The following RALGAPA2 variants were observed in gnomAD, a reference collection of about 807,000 sequenced individuals.
The protein encoded by RALGAPA2 is Ral GTPase activating protein catalytic subunit alpha 2.
Under a neutral mutation model 230.4 loss-of-function variants are expected in RALGAPA2, and 139 were observed. The observed-to-expected ratio is 0.60, with a 90% CI of 0.53 to 0.69. RALGAPA2 has a LOEUF of 0.69. Among genes scored for constraint, RALGAPA2 ranks in the 30% least tolerant of loss-of-function variants. The pLI, the probability that RALGAPA2 is intolerant of heterozygous loss-of-function variation, is 0.00. For missense variants in RALGAPA2, 2,163 were observed against 2,276.0 expected, an observed-to-expected ratio of 0.95 and a Z score of 1.01; for synonymous variants, 847 against 837.8, an observed-to-expected ratio of 1.01 and a Z score of -0.19.
At chr20:20,578,942 T>C (rs2064901687) in intron 20 of RALGAPA2, among the ~76,000 whole-genome samples, 1 of 152,208 alleles carries the variant, frequency 6.6e-6, no homozygotes, top group Admixed American at 6.6e-5. Context: ...CCAGTAGCTA[T>C]CATTATTATT....
At chr20:20,440,571 A>T (rs1290358821) in intron 37 of RALGAPA2, among the ~76,000 whole-genome samples, 1 of 152,198 alleles carries the variant, frequency 6.6e-6, no homozygotes, top group Non-Finnish European at 1.5e-5. Context: ...TGCTCTGAAT[A>T]GAAGCACTTT....
At chr20:20,494,657 T>C (rs1454425652) in intron 36 of RALGAPA2, among the ~76,000 whole-genome samples, 1 of 152,210 alleles carries the variant, frequency 6.6e-6, no homozygotes, top group Non-Finnish European at 1.5e-5. Flanking sequence ...CCTGCAATTC[T>C]GCAGGATTGA....
chr20:20,403,626 G>A (rs948526424), intron 38 of RALGAPA2, among the ~76,000 whole-genome samples: 25 of 152,306 alleles, frequency 1.6e-4, no homozygotes, highest in African/African-American at 5.8e-4. Context: ...CCAGCCTCAC[G>A]AAGCTGCATG....
chr20:20,657,832 T>A (rs1469372394), intron 3 of RALGAPA2, among the ~76,000 whole-genome samples: 1 of 152,256 alleles, frequency 6.6e-6, no homozygotes, highest in Non-Finnish European at 1.5e-5. Context: ...AGATTCAGAA[T>A]AGATCTTAGA....
chr20:20,653,489 G>T, intron 4 of RALGAPA2, 41 bp downstream of exon 4: 2 of 1,090,008 alleles, frequency 1.8e-6, no homozygotes, highest in Non-Finnish European at 2.7e-6. Flanking sequence ...AATTCAACTG[G>T]AAGAAATTCA....
At chr20:20,540,780 A>C (rs2063621800) in intron 24 of RALGAPA2, among the ~76,000 whole-genome samples, 1 of 151,918 alleles carries the variant, frequency 6.6e-6, no homozygotes, top group African/African-American at 2.4e-5. Context: ...ATAATTAATA[A>C]AAATTTATAT....
intron 13 of RALGAPA2, among the ~76,000 whole-genome samples, chr20:20,613,562 T>C (rs530948070): frequency 1.3e-5 from 2 of 152,320 alleles, no homozygotes; most frequent in African/African-American, 4.8e-5. Flanking sequence ...GCTGGTGTCC[T>C]TCCTTTGGTC....
rs79526906 is a variant in RALGAPA2, at chr20:20,432,115, C to T, written c.5496-19967G>A. ...GTAAGGACTGTGAAATAGGAACCAC[C>T]GTTGTTCCAAGGCTGGTGATCGTCT... On this transcript the variant is annotated intron_variant, in intron 37 of 39. Coordinates refer to ENST00000202677, the MANE Select transcript of RALGAPA2 (RefSeq NM_020343.4). Among the ~76,000 whole-genome samples, 815 of 152,272 alleles carry T rather than the reference C, an allele frequency of 5.4e-3. 5 individuals carry two copies. The highest frequency in any genetic ancestry group is 0.018 in the African/African-American group (743 of 41,534).
At chr20:20,655,212 T>G (rs187717205) in intron 3 of RALGAPA2, among the ~76,000 whole-genome samples, 1 of 152,110 alleles carries the variant, frequency 6.6e-6, no homozygotes, top group Admixed American at 6.5e-5. Context: ...GACAACAGAC[T>G]TCACTCTTGA....
chr20:20,643,546 G>A lies in RALGAPA2; in HGVS notation c.332C>T (p.Ser111Leu). ...FFRWHYQSIG[S>L]TLKKLLHTGN... Reference sequence around the variant, plus strand: ...AGTGTGTAGAAGCTTCTTTAAAGTTGAGCCTGAAAGTTTAAAATAATGAAT... The same window carrying A: ...AGTGTGTAGAAGCTTCTTTAAAGTTAAGCCTGAAAGTTTAAAATAATGAAT... The change falls in exon 5 of 40, where the codon TCA becomes TTA. Residue 111 changes from serine to leucine, a missense_variant. Ser to Leu is a moderately radical substitution (Grantham distance 145). Transcript: ENST00000202677. 1 of 1,468,544 alleles carries A rather than the reference G, an allele frequency of 6.8e-7. No homozygotes were observed. Among genetic ancestry groups the A allele is most frequent in the Non-Finnish European group, 9.2e-7 (1 of 1,087,272 alleles). 91.0% of individuals were successfully genotyped at this position (1,468,544 alleles called of 1,614,324 possible).
chr20:20,428,707 G>T (rs980630620), intron 37 of RALGAPA2, among the ~76,000 whole-genome samples: 2 of 84,774 alleles, frequency 2.4e-5, no homozygotes, highest in African/African-American at 5.0e-5. Flanking sequence ...CCATTATTGT[G>T]CCTGCCACCC....
intron 36 of RALGAPA2, 86 bp downstream of exon 36, chr20:20,495,031 A>T: frequency 7.8e-7 from 1 of 1,276,726 alleles, no homozygotes. Context: ...GTCCCCTTTA[A>T]CATATTTGTA....
intron 37 of RALGAPA2, among the ~76,000 whole-genome samples, 151 bp from the exon 38 acceptor site, chr20:20,412,299 CATA>C (rs938359308): frequency 6.6e-6 from 1 of 152,160 alleles, no homozygotes; most frequent in Non-Finnish European, 1.5e-5. Context: ...AAGTATTAGT[CATA>C]ATTCATACCC....
intron 10 of RALGAPA2, among the ~76,000 whole-genome samples, chr20:20,620,994 A>G (rs1028387660): frequency 2.6e-5 from 4 of 152,066 alleles, no homozygotes. Context: ...TACAAAAATT[A>G]GCTGTGCGTG....
At position 20,601,726 on chromosome 20, in the gene RALGAPA2, G is replaced by A. The variant is rs376711920; in HGVS notation, c.2159C>T (p.Pro720Leu). ...AATATTTCTTGCCTTTTCCACTCCC[G>A]GTGCTCCAGACGTGGTGGCACTCCT... ...RFRSATTSGA[P>L]GVEKARNIVR... The change falls in exon 16 of 40, where the codon CCG becomes CTG. Residue 720 changes from proline to leucine, a missense_variant. By Grantham distance (98) the Pro-to-Leu change is moderately conservative. Transcript: ENST00000202677. 1.2e-4 allele frequency: 190 copies of A among 1,612,962 alleles called. No homozygotes were observed. The highest frequency in any genetic ancestry group is 1.5e-4 in the Non-Finnish European group (182 of 1,179,422).
chr20:20,482,971 C>A (rs988399712), intron 36 of RALGAPA2, among the ~76,000 whole-genome samples: 1 of 152,216 alleles, frequency 6.6e-6, no homozygotes, highest in Non-Finnish European at 1.5e-5. Context: ...CACATCATGT[C>A]CTGGTCATCC....
chr20:20,604,670 A>G (rs2065763342), intron 15 of RALGAPA2, among the ~76,000 whole-genome samples: 1 of 151,282 alleles, frequency 6.6e-6, no homozygotes, highest in African/African-American at 2.4e-5. Context: ...AAACATTATG[A>G]GATTTTTTTT....
chr20:20,522,999 C>T (rs1269687455), intron 30 of RALGAPA2, among the ~76,000 whole-genome samples: 1 of 151,558 alleles, frequency 6.6e-6, no homozygotes, highest in Non-Finnish European at 1.5e-5. Context: ...TAAGAATACA[C>T]AAATACTTTT....
chr20:20,649,927 A>G (rs1297806762), intron 4 of RALGAPA2, among the ~76,000 whole-genome samples: 2 of 152,170 alleles, frequency 1.3e-5, no homozygotes, highest in African/African-American at 2.4e-5. Flanking sequence ...TTTATCCACC[A>G]TGATTTACTG....
Sources: gnomAD v4.1 joint callset for allele counts (sites outside exome capture counted in the v4.1 genomes callset) on GRCh38, gnomAD v4.1.1 for gene constraint, MANE v1.5 for transcripts, NCBI Gene and HGNC (gene_info 2026-07-23, HGNC 2026-07-21) for gene names.